RBPJ: variants seen among roughly 807,000 people sequenced by gnomAD.
RBPJ encodes recombining binding protein suppressor of hairless.
A neutral mutation model predicts 67.8 loss-of-function variants in RBPJ; 9 were observed. The ratio of observed to expected loss-of-function variants is 0.13; its 90% CI spans 0.08 to 0.23. The LOEUF is 0.23. RBPJ is among the 10% of genes least tolerant of loss of function. The pLI, the probability that RBPJ is intolerant of heterozygous loss-of-function variation, is 1.00. For synonymous variants in RBPJ, 198 were observed against 203.3 expected, an observed-to-expected ratio of 0.97 and a Z score of 0.22; for missense variants, 305 against 595.6, an observed-to-expected ratio of 0.51 and a Z score of 5.08.
At chr4:26,327,621 A>G (rs978239717) in intron 1 of RBPJ, among the ~76,000 whole-genome samples, 10 of 141,354 alleles carry the variant, frequency 7.1e-5, no homozygotes, top group African/African-American at 2.7e-4. Context: ...TGTTAATGAG[A>G]TGATAATCAG....
chr4:26,221,774 C>T (rs750519406), intron 1 of RBPJ, among the ~76,000 whole-genome samples: 22 of 152,080 alleles, frequency 1.4e-4, no homozygotes, highest in Non-Finnish European at 1.5e-5. Context: ...AACAATAATC[C>T]GTTGTACATT....
At chr4:26,113,581 C>T in the RBPJ span, 1 of 433,512 alleles carries the variant, frequency 2.3e-6, no homozygotes, top group Non-Finnish European at 4.6e-6. Context: ...CCTATGAATG[C>T]AAAGCACATG....
chr4:26,373,858 A>G (rs1000767872), intron 1 of RBPJ, among the ~76,000 whole-genome samples: 2 of 151,254 alleles, frequency 1.3e-5, no homozygotes, highest in Admixed American at 6.6e-5. Flanking sequence ...AAGGTGTGGC[A>G]CCCATAACAG....
chr4:26,185,135 C>CT (rs35367295), intron 1 of RBPJ, among the ~76,000 whole-genome samples: 78,116 of 139,584 alleles, frequency 0.56, 21,531 homozygotes, highest in East Asian at 0.71. Flanking sequence ...GAGTGAGACT[C>CT]TGTCTAAAAA....
intron 1 of RBPJ, among the ~76,000 whole-genome samples, chr4:26,171,313 T>G (rs941625307): frequency 6.6e-6 from 1 of 151,882 alleles, no homozygotes; most frequent in African/African-American, 2.4e-5. Flanking sequence ...CTGTACAGTA[T>G]ACAAGGTGTC....
At chr4:26,296,373 C>G (rs1721874904) in intron 1 of RBPJ, among the ~76,000 whole-genome samples, 1 of 152,040 alleles carries the variant, frequency 6.6e-6, no homozygotes, top group Non-Finnish European at 1.5e-5. Flanking sequence ...AGCTGCTGAG[C>G]ATAAAGCTAC....
At chr4:26,181,212 C>T (rs1161519518) in intron 1 of RBPJ, among the ~76,000 whole-genome samples, 1 of 152,200 alleles carries the variant, frequency 6.6e-6, no homozygotes, top group Non-Finnish European at 1.5e-5. Context: ...GATTTCTCTT[C>T]TGACTTTCCT....
chr4:26,112,306 A>G, the RBPJ span: 1 of 153,810 alleles, frequency 6.5e-6, no homozygotes, highest in African/African-American at 2.4e-5. Context: ...AGTTTGAAAG[A>G]TACTTTGCGT....
intron 1 of RBPJ, among the ~76,000 whole-genome samples, chr4:26,291,110 A>G (rs535679777): frequency 7.9e-5 from 12 of 150,980 alleles, no homozygotes; most frequent in Non-Finnish European, 1.6e-4. Flanking sequence ...ATTAATGTGC[A>G]TGGAAAAAAA....
intron 1 of RBPJ, among the ~76,000 whole-genome samples, chr4:26,361,885 CAG>C (rs1371812467): frequency 1.3e-5 from 2 of 152,194 alleles, no homozygotes; most frequent in African/African-American, 4.8e-5. Flanking sequence ...CCAAGTCAAT[CAG>C]AGAATGGCGG....
chr4:26,230,610 C>A (rs971816257), intron 1 of RBPJ, among the ~76,000 whole-genome samples: 1 of 152,220 alleles, frequency 6.6e-6, no homozygotes, highest in African/African-American at 2.4e-5. Context: ...ATTCTAACCA[C>A]CAGCCTCTAC....
the RBPJ span, among the ~76,000 whole-genome samples, chr4:26,135,395 T>C: frequency 6.6e-6 from 1 of 152,074 alleles, no homozygotes; most frequent in African/African-American, 2.4e-5. Context: ...GATTTATGGC[T>C]ACTTTGATAG....
intron 1 of RBPJ, among the ~76,000 whole-genome samples, chr4:26,244,136 T>C (rs1189221843): frequency 2.1e-5 from 3 of 140,662 alleles, no homozygotes; most frequent in Non-Finnish European, 3.1e-5. Flanking sequence ...AAAATGTATA[T>C]ATATATGTGT....
chr4:26,406,263 GA>G lies in RBPJ; in HGVS notation c.154del (p.Arg52GlyfsTer41). The G allele has an allele frequency of 1.9e-6, 3 of 1,593,118 alleles. No individual in the cohort carries two copies. The highest frequency in any genetic ancestry group is 2.6e-6 in the Non-Finnish European group (3 of 1,164,240). On this transcript the variant is annotated frameshift_variant, in exon 3 of 11. Coordinates refer to ENST00000355476, the MANE Select transcript of RBPJ (RefSeq NM_015874.6). LOFTEE classifies it high-confidence loss of function. ...AGTTGCACAGAAGTCATATGGAAAT[GA>G]AAAAAGGTAAGATTATTTTTCTGGT... ...AKVAQKSYGN[E>X]KRFFCPPPCV... is the part of the protein sequence containing the mutation.
At chr4:26,316,536 T>TATATATTCATGTATATATTC (rs1722636001), upstream of RBPJ, among the ~76,000 whole-genome samples, 1 of 145,484 alleles carries the variant, frequency 6.9e-6, no homozygotes, top group Non-Finnish European at 1.5e-5. Context: ...TATATTCATA[T>TATATATTCATGTATATATTC]ATATATTCAT....
intron 1 of RBPJ, among the ~76,000 whole-genome samples, chr4:26,231,432 A>G (rs1719281446): frequency 6.7e-6 from 1 of 149,146 alleles, no homozygotes; most frequent in African/African-American, 2.5e-5. Flanking sequence ...TTTTTTTTAG[A>G]CAGAGTTTCA....
the RBPJ span, among the ~76,000 whole-genome samples, chr4:26,114,497 A>ATATG: frequency 1.5e-3 from 214 of 140,066 alleles, 3 homozygotes; most frequent in African/African-American, 5.7e-3. Context: ...ATATATATAT[A>ATATG]TGTATGTGTG....
At chr4:26,254,316 T>C (rs1720220219) in intron 1 of RBPJ, among the ~76,000 whole-genome samples, 1 of 148,972 alleles carries the variant, frequency 6.7e-6, no homozygotes, top group Admixed American at 6.6e-5. Context: ...CAGAGCTCCT[T>C]CTCCTACCTC....
chr4:26,293,583 C>T (rs1721748740), intron 1 of RBPJ, among the ~76,000 whole-genome samples: 1 of 150,382 alleles, frequency 6.6e-6, no homozygotes, highest in African/African-American at 2.4e-5. Context: ...CTGCACTGAG[C>T]TGTGATTGTG....
Sources: gnomAD v4.1 joint callset for allele counts (sites outside exome capture counted in the v4.1 genomes callset) on GRCh38, gnomAD v4.1.1 for gene constraint, MANE v1.5 for transcripts, NCBI Gene and HGNC (gene_info 2026-07-23, HGNC 2026-07-21) for gene names.